The following PMF1 variants were observed in gnomAD, a reference collection of about 807,000 sequenced individuals.
The protein encoded by PMF1 is polyamine modulated factor 1.
PMF1 carries 21 observed loss-of-function variants against 26.7 expected under a neutral mutation model. That is an observed-to-expected ratio of 0.79 (90% CI 0.56 to 1.13). The LOEUF is 1.13. PMF1 is among the 50% of genes most tolerant of loss of function. PMF1 has a pLI of 0.00. For missense variants in PMF1, 266 were observed against 254.9 expected, an observed-to-expected ratio of 1.04 and a Z score of -0.30; for synonymous variants, 105 against 101.0, an observed-to-expected ratio of 1.04 and a Z score of -0.24.
chr1:156,216,745 G>A (rs1233820335), intron 1 of PMF1, among the ~76,000 whole-genome samples: 1 of 147,648 alleles, frequency 6.8e-6, no homozygotes, highest in African/African-American at 2.7e-5. Context: ...GCTCCGTGCC[G>A]TGCGTGTCAG....
chr1:156,223,187 T>G (rs1188550752), intron 1 of PMF1, among the ~76,000 whole-genome samples: 1 of 152,198 alleles, frequency 6.6e-6, no homozygotes, highest in Non-Finnish European at 1.5e-5. Flanking sequence ...ATACTTTCCC[T>G]CCGTATGTTT....
At chr1:156,218,780 T>TCAAAAA (rs983291353) in intron 1 of PMF1, among the ~76,000 whole-genome samples, 3 of 151,822 alleles carry the variant, frequency 2.0e-5, no homozygotes, top group Non-Finnish European at 4.4e-5. Flanking sequence ...AGACTCCGTC[T>TCAAAAA]CAAAAACAAA....
chr1:156,230,698 T>C lies in PMF1; in HGVS notation c.162-1622T>C, dbSNP rs540801917. ...GCCATTGGGAATATACTGGATACCA[T>C]TGAATACTTCCAGCTGCAAAGGATT... On this transcript the variant is annotated intron_variant, in intron 1 of 4. Coordinates refer to ENST00000368277, the MANE Select transcript of PMF1 (RefSeq NM_007221.4). 2.6e-5 allele frequency among the ~76,000 whole-genome samples: 4 copies of C among 152,278 alleles called. No homozygotes were observed. In the East Asian group the frequency reaches 5.8e-4, roughly 22 times the overall value.
At chr1:156,236,023 G>C (rs935199445) in intron 3 of PMF1, among the ~76,000 whole-genome samples, 16 of 152,182 alleles carry the variant, frequency 1.1e-4, no homozygotes, top group Non-Finnish European at 2.9e-5. Context: ...AGGGGAATGT[G>C]GGGTATGGTC....
Position 156,239,804 on chromosome 1 carries a change from C to T in PMF1, c.*203C>T, listed in dbSNP as rs191845140. ...GCACCCTTGGGGTTGGACATACACCCCCTTTAGATTCCTCTGTTTCTTCTA... is the reference window on the plus strand; with the variant it reads ...GCACCCTTGGGGTTGGACATACACCTCCTTTAGATTCCTCTGTTTCTTCTA... On this transcript the variant is annotated 3_prime_UTR_variant, in exon 5 of 5. Transcript: ENST00000368277. The T allele has an allele frequency of 3.2e-4, 171 of 542,170 alleles. No homozygotes were observed. The highest frequency in any genetic ancestry group is 2.8e-3 in the African/African-American group (149 of 52,442). The allele number at this position is 542,170 out of a possible 1,614,324, so 33.6% of individuals were successfully genotyped here.
intron 1 of PMF1, among the ~76,000 whole-genome samples, chr1:156,230,567 A>G (rs1290650925): frequency 6.6e-6 from 1 of 151,888 alleles, no homozygotes; most frequent in Non-Finnish European, 1.5e-5. Context: ...AGGGCCTGAG[A>G]GTGGACAGAG....
At chr1:156,217,064 C>G (rs1177664409) in intron 1 of PMF1, among the ~76,000 whole-genome samples, 1 of 150,816 alleles carries the variant, frequency 6.6e-6, no homozygotes, top group African/African-American at 2.5e-5. Flanking sequence ...AGGGGAATAT[C>G]ACACTCTGGG....
chr1:156,214,864 T>C (rs1264737355), intron 1 of PMF1, among the ~76,000 whole-genome samples: 1 of 149,138 alleles, frequency 6.7e-6, no homozygotes, highest in Non-Finnish European at 1.5e-5. Flanking sequence ...AACCAGATTA[T>C]TATTATTATT....
At chr1:156,218,651 G>A (rs954782909) in intron 1 of PMF1, among the ~76,000 whole-genome samples, 8 of 151,796 alleles carry the variant, frequency 5.3e-5, no homozygotes, top group African/African-American at 1.2e-4. Flanking sequence ...GCATGGTGGC[G>A]CGCACCTGTA....
chr1:156,225,415 T>TATACC, intron 1 of PMF1: 1 of 541,620 alleles, frequency 1.8e-6, no homozygotes, highest in Non-Finnish European at 3.5e-6. Flanking sequence ...CAGTGTACAC[T>TATACC]ATACCCAGTA....
intron 3 of PMF1, among the ~76,000 whole-genome samples, chr1:156,234,995 C>T (rs543117698): frequency 6.6e-6 from 1 of 152,252 alleles, no homozygotes; most frequent in African/African-American, 2.4e-5. Flanking sequence ...GCCCCTGCCT[C>T]CTGCAACCCT....
intron 2 of PMF1, 48 bp downstream of exon 2, chr1:156,232,473 C>T: frequency 6.3e-7 from 1 of 1,581,730 alleles, no homozygotes; most frequent in South Asian, 1.1e-5. Flanking sequence ...GGTTCTGTCT[C>T]CAGATTGTCA....
chr1:156,213,261 G>T, intron 1 of PMF1, 85 bp downstream of exon 1: 1 of 1,552,994 alleles, frequency 6.4e-7, no homozygotes, highest in African/African-American at 1.4e-5. Flanking sequence ...AGGCTGGCGC[G>T]CGGTGACGTG....
Position 156,239,897 on chromosome 1 carries a change from C to T in PMF1, c.*296C>T, listed in dbSNP as rs1322091648. 1 of 380,148 alleles carries T rather than the reference C, an allele frequency of 2.6e-6. No individual in the cohort carries two copies. Among genetic ancestry groups the T allele is most frequent in the Admixed American group, 4.4e-5 (1 of 22,528 alleles). 23.5% of individuals were successfully genotyped at this position (380,148 alleles called of 1,614,324 possible). A position where few individuals can be genotyped will look rare whatever the true frequency, so the allele number is the denominator to read the frequency against. On this transcript the variant is annotated 3_prime_UTR_variant, in exon 5 of 5. Coordinates refer to ENST00000368277, the MANE Select transcript of PMF1 (RefSeq NM_007221.4). ...GTCAGCTCTGCCCCTCCGCCCCCCTCCTGCTGGTTCCCCAGCCCTTTTCCC... is the reference window on the plus strand; with the variant it reads ...GTCAGCTCTGCCCCTCCGCCCCCCTTCTGCTGGTTCCCCAGCCCTTTTCCC...
intron 2 of PMF1, 66 bp downstream of exon 2, chr1:156,232,491 G>T: frequency 6.6e-7 from 1 of 1,507,696 alleles, no homozygotes; most frequent in Non-Finnish European, 9.2e-7. Flanking sequence ...TCAGTCCCCT[G>T]AGGGCAGTGG....
chr1:156,237,661 G>T (rs1659110260), intron 4 of PMF1, among the ~76,000 whole-genome samples: 1 of 151,742 alleles, frequency 6.6e-6, no homozygotes, highest in African/African-American at 2.4e-5. Flanking sequence ...TGGCCAGGCT[G>T]GTCTCAAACT....
In PMF1 at chr1:156,225,507, A is replaced by T. The variant is rs368223652; in HGVS notation, c.162-6813A>T. 7.4e-4 allele frequency: 838 copies of T among 1,127,762 alleles called. 11 individuals carry two copies. In the South Asian group the frequency reaches 9.9e-3, roughly 13 times the overall value. 69.9% of individuals were successfully genotyped at this position (1,127,762 alleles called of 1,614,324 possible). A position where few individuals can be genotyped will look rare whatever the true frequency, so the allele number is the denominator to read the frequency against. On this transcript the variant is annotated intron_variant, in intron 1 of 4. Transcript: ENST00000368277. ...ATTGTACCATTCTTCTGCCCTTTGC[A>T]TCCCCAGCTTCTGTTTGTTTTGTTC...
At chr1:156,236,201 G>A (rs961483433) in intron 3 of PMF1, 87 bp from the exon 4 acceptor site, 6 of 1,528,930 alleles carry the variant, frequency 3.9e-6, no homozygotes, top group Non-Finnish European at 5.3e-6. Context: ...AGGTGGGCAT[G>A]TCACCGAGTG....
At chr1:156,215,553 T>C (rs1657654318) in intron 1 of PMF1, among the ~76,000 whole-genome samples, 1 of 151,950 alleles carries the variant, frequency 6.6e-6, no homozygotes, top group Non-Finnish European at 1.5e-5. Flanking sequence ...TATTTATTTA[T>C]TTATTTATTT....
Sources: allele counts gnomAD v4.1 joint callset (sites outside exome capture counted in the v4.1 genomes callset), GRCh38; gene constraint gnomAD v4.1.1; transcripts MANE v1.5; gene names NCBI Gene and HGNC (gene_info 2026-07-23, HGNC 2026-07-21).